TFCP2L1: variants seen among roughly 807,000 people sequenced by gnomAD.
TFCP2L1 encodes the protein transcription factor CP2-like protein 1.
In TFCP2L1, 12 loss-of-function variants were observed where a neutral mutation model predicts 72.2. The observed-to-expected ratio is 0.17, with a 90% CI of 0.11 to 0.27. The LOEUF (loss-of-function observed/expected upper bound fraction) is 0.27, where lower values mean the gene tolerates loss of function less well. Among genes scored for constraint, TFCP2L1 ranks in the 10% least tolerant of loss-of-function variants. The pLI is 1.00. For missense variants in TFCP2L1, 488 were observed against 624.6 expected (o/e 0.78, Z 2.33); for synonymous variants, 260 against 251.0 (o/e 1.04, Z -0.34).
intron 2 of TFCP2L1, among the ~76,000 whole-genome samples, chr2:121,258,627 CCAAA>C (rs1686773124): frequency 6.6e-6 from 1 of 152,164 alleles, no homozygotes; most frequent in Non-Finnish European, 1.5e-5. Flanking sequence ...ACAAGCAAAC[CCAAA>C]CAGAGAGACC....
chr2:121,231,999 C>T (rs372763147), intron 12 of TFCP2L1, 31 bp from the exon 13 acceptor site: 2 of 1,549,348 alleles, frequency 1.3e-6, no homozygotes, highest in East Asian at 2.3e-5. Flanking sequence ...TGCTGCTTTC[C>T]AAGTGGCCAT....
chr2:121,245,982 C>T (rs1450543933), intron 6 of TFCP2L1, among the ~76,000 whole-genome samples: 2 of 152,210 alleles, frequency 1.3e-5, no homozygotes. Flanking sequence ...GAATGTGAAA[C>T]AAGAGGAAGA....
chr2:121,273,010 T>G (rs764750080), intron 2 of TFCP2L1, among the ~76,000 whole-genome samples: 5 of 152,192 alleles, frequency 3.3e-5, no homozygotes, highest in Non-Finnish European at 7.3e-5. Flanking sequence ...ATTCCTGGGA[T>G]AGACAGTGTG....
rs1685977269 is a variant in TFCP2L1 at position 121,224,142 on chromosome 2, G to C, written c.*199C>G. 1 of 603,642 alleles carries C rather than the reference G, an allele frequency of 1.7e-6. No homozygotes were observed. The highest frequency in any genetic ancestry group is 1.9e-5 in the African/African-American group (1 of 54,014). The allele number at this position is 603,642 out of a possible 1,614,324, so 37.4% of individuals were successfully genotyped here. On this transcript the variant is annotated 3_prime_UTR_variant, in exon 15 of 15. Coordinates refer to ENST00000263707, the MANE Select transcript of TFCP2L1 (RefSeq NM_014553.3). ...TGGAGGCCAAGAGGAAGGGAGAAAGGAGCCACTGGCTTTCTGTACACCGTA... is the reference window on the plus strand; with the variant it reads ...TGGAGGCCAAGAGGAAGGGAGAAAGCAGCCACTGGCTTTCTGTACACCGTA...
intron 2 of TFCP2L1, among the ~76,000 whole-genome samples, chr2:121,258,372 A>G (rs1407835532): frequency 1.3e-5 from 2 of 152,208 alleles, no homozygotes; most frequent in African/African-American, 4.8e-5. Flanking sequence ...TAGGCGCTAA[A>G]AAATCTGCCC....
Position 121,224,041 on chromosome 2 carries a change from C to T in TFCP2L1, c.*300G>A, listed in dbSNP as rs1238148300. The T allele has an allele frequency of 4.8e-5, 21 of 436,662 alleles. No individual in the cohort carries two copies. The East Asian group carries it at 8.4e-4, about 17-fold the overall frequency. The allele number at this position is 436,662 out of a possible 1,614,324, so 27.0% of individuals were successfully genotyped here. A position where few individuals can be genotyped will look rare whatever the true frequency, so the allele number is the denominator to read the frequency against. ...AACTAAGGGATGAGGGATTTCAGAG[C>T]AGACGTCTCCACTGTTTGCCCTTTT... On this transcript the variant is annotated 3_prime_UTR_variant, in exon 15 of 15. Coordinates refer to ENST00000263707, the MANE Select transcript of TFCP2L1 (RefSeq NM_014553.3).
chr2:121,283,000 A>G (rs976975271), intron 1 of TFCP2L1, among the ~76,000 whole-genome samples: 1 of 152,212 alleles, frequency 6.6e-6, no homozygotes, highest in African/African-American at 2.4e-5. Context: ...TCCTTTTGTC[A>G]GAGCAGGGCA....
At chr2:121,262,836 C>G (rs769111161) in intron 2 of TFCP2L1, among the ~76,000 whole-genome samples, 6 of 152,188 alleles carry the variant, frequency 3.9e-5, no homozygotes. Context: ...ATATGAACAT[C>G]GACATGCTCA....
chr2:121,246,622 C>A (rs1268034794), intron 6 of TFCP2L1, among the ~76,000 whole-genome samples, 196 bp downstream of exon 6: 1 of 152,218 alleles, frequency 6.6e-6, no homozygotes, highest in African/African-American at 2.4e-5. Context: ...AAGATGCCCC[C>A]AGCAGGGCAG....
At chr2:121,242,228 CCCA>C (rs1686388337) in intron 7 of TFCP2L1, 128 bp downstream of exon 7, 4 of 741,198 alleles carry the variant, frequency 5.4e-6, no homozygotes, top group Non-Finnish European at 9.2e-6. Context: ...GACACTGGAA[CCCA>C]CCACAACAGA....
At chr2:121,267,742 G>C (rs1049620931) in intron 2 of TFCP2L1, among the ~76,000 whole-genome samples, 2 of 152,160 alleles carry the variant, frequency 1.3e-5, no homozygotes, top group African/African-American at 4.8e-5. Flanking sequence ...TGATGCGCCT[G>C]CCTTGGCCTC....
intron 6 of TFCP2L1, among the ~76,000 whole-genome samples, chr2:121,243,300 T>C (rs1224682255): frequency 6.6e-6 from 1 of 152,180 alleles, no homozygotes; most frequent in Non-Finnish European, 1.5e-5. Context: ...ATGAAAACAG[T>C]AGTTCAAGCT....
intron 1 of TFCP2L1, 92 bp from the exon 2 acceptor site, chr2:121,281,363 C>T (rs541389587): frequency 5.5e-6 from 8 of 1,444,052 alleles, no homozygotes; most frequent in South Asian, 4.1e-5. Flanking sequence ...CGCAGACCAC[C>T]GGGGCCCAGG....
At chr2:121,233,262 G>A (rs554661402) in intron 12 of TFCP2L1, among the ~76,000 whole-genome samples, 10 of 152,022 alleles carry the variant, frequency 6.6e-5, no homozygotes, top group African/African-American at 2.4e-4. Flanking sequence ...GCATGATCTC[G>A]GCTCACTGCA....
intron 2 of TFCP2L1, among the ~76,000 whole-genome samples, chr2:121,278,029 CTTTTTT>C (rs530823906): frequency 8.1e-6 from 1 of 122,754 alleles, no homozygotes; most frequent in Non-Finnish European, 1.7e-5. Flanking sequence ...CTTTTTCTCT[CTTTTTT>C]TTTTTTTTTT....
chr2:121,235,144 G>A (rs1686219169), intron 11 of TFCP2L1, 77 bp downstream of exon 11: 3 of 1,507,654 alleles, frequency 2.0e-6, no homozygotes, highest in African/African-American at 2.7e-5. Context: ...CCATCCAAAA[G>A]GCTGAGGTAG....
At chr2:121,254,683 A>G (rs1686680813) in intron 2 of TFCP2L1, among the ~76,000 whole-genome samples, 1 of 152,140 alleles carries the variant, frequency 6.6e-6, no homozygotes, top group Non-Finnish European at 1.5e-5. Flanking sequence ...TTGTAATCGC[A>G]GCTATTCTAC....
At chr2:121,250,379 CATAT>C (rs1424799972) in intron 2 of TFCP2L1, among the ~76,000 whole-genome samples, 1 of 149,368 alleles carries the variant, frequency 6.7e-6, no homozygotes, top group Non-Finnish European at 1.5e-5. Flanking sequence ...CACACACATA[CATAT>C]ATGTATGTGT....
intron 2 of TFCP2L1, 71 bp downstream of exon 2, chr2:121,281,049 C>T (rs982619293): frequency 2.5e-6 from 4 of 1,603,080 alleles, no homozygotes; most frequent in Non-Finnish European, 3.4e-6. Context: ...TCACAAGGCC[C>T]AAATGGGCCT....
Sources: allele counts gnomAD v4.1 joint callset (sites outside exome capture counted in the v4.1 genomes callset), GRCh38; gene constraint gnomAD v4.1.1; transcripts MANE v1.5; gene names NCBI Gene and HGNC (gene_info 2026-07-23, HGNC 2026-07-21).